IGSF10: variants seen among roughly 807,000 people sequenced by gnomAD.
IGSF10 encodes the protein calvaria mechanical force protein 608.
Under a neutral mutation model 128.2 loss-of-function variants are expected in IGSF10, and 126 were observed. The observed-to-expected ratio is 0.98, with a 90% confidence interval of 0.85 to 1.14. The LOEUF (loss-of-function observed/expected upper bound fraction) is 1.14. Ranked by LOEUF, IGSF10 falls within the 50% of genes most tolerant of loss-of-function variation. The pLI is 0.00. For synonymous variants in IGSF10, 1,185 were observed against 1,146.2 expected, an observed-to-expected ratio of 1.03 and a Z score of -0.68; for missense variants, 3,295 against 3,149.8, an observed-to-expected ratio of 1.05 and a Z score of -1.10.
chr3:151,571,731 G>T, the IGSF10 span, among the ~76,000 whole-genome samples: 1 of 152,226 alleles, frequency 6.6e-6, no homozygotes, highest in East Asian at 1.9e-4. Flanking sequence ...TTGCCTGATT[G>T]CCCTGGCCAG....
At chr3:151,505,791 G>A in the IGSF10 span, among the ~76,000 whole-genome samples, 1 of 152,062 alleles carries the variant, frequency 6.6e-6, no homozygotes, top group South Asian at 2.1e-4. Flanking sequence ...CTTTATAAAA[G>A]GCAAATAAAA....
chr3:151,554,463 G>A, the IGSF10 span, among the ~76,000 whole-genome samples: 4 of 147,492 alleles, frequency 2.7e-5, no homozygotes, highest in African/African-American at 5.4e-5. Context: ...TTTTGCCAAA[G>A]CGATTTTCTC....
the IGSF10 span, among the ~76,000 whole-genome samples, chr3:151,546,830 G>A: frequency 6.6e-6 from 1 of 151,936 alleles, no homozygotes; most frequent in African/African-American, 2.4e-5. Context: ...AAGCGCAATG[G>A]TGCAATCTCG....
the IGSF10 span, among the ~76,000 whole-genome samples, chr3:151,482,980 T>C: frequency 3.4e-4 from 51 of 152,044 alleles, no homozygotes; most frequent in Non-Finnish European, 6.6e-4. Flanking sequence ...TGAAGGAGAA[T>C]AGTCTTTTCA....
At chr3:151,534,711 G>A in the IGSF10 span, among the ~76,000 whole-genome samples, 1 of 151,882 alleles carries the variant, frequency 6.6e-6, no homozygotes, top group Non-Finnish European at 1.5e-5. Context: ...GTAGATGACG[G>A]GTCAATGGGT....
At chr3:151,551,033 G>C in the IGSF10 span, among the ~76,000 whole-genome samples, 1,153 of 152,206 alleles carry the variant, frequency 7.6e-3, 6 homozygotes, top group African/African-American at 0.026. Context: ...GGTTCAGTGT[G>C]GCCCCTGAAA....
chr3:151,444,885 C>T (rs1197849674), intron 6 of IGSF10, 34 bp downstream of exon 6: 2 of 1,523,232 alleles, frequency 1.3e-6, no homozygotes, highest in Non-Finnish European at 8.8e-7. Flanking sequence ...TGTTTTCTAA[C>T]AAAAACTAAG....
downstream of IGSF10, chr3:151,435,267 T>A (rs1188387895): frequency 2.6e-5 from 4 of 152,058 alleles, no homozygotes; most frequent in African/African-American, 9.7e-5. Context: ...TCAATCACAG[T>A]TCTTGGATAT....
chr3:151,519,958 A>G, the IGSF10 span, among the ~76,000 whole-genome samples: 2 of 151,870 alleles, frequency 1.3e-5, no homozygotes, highest in Non-Finnish European at 2.9e-5. Context: ...TTGAAATAAT[A>G]CCTGAAGGTT....
chr3:151,584,169 G>A, the IGSF10 span, among the ~76,000 whole-genome samples: 32 of 152,092 alleles, frequency 2.1e-4, no homozygotes, highest in South Asian at 6.4e-3. Context: ...ATATCTTCCT[G>A]GTGGATTGAT....
At position 151,445,173 on chromosome 3, in the gene IGSF10, G is replaced by T; in HGVS notation, c.4808C>A (p.Ala1603Asp). 6.2e-7 allele frequency: 1 copy of T among 1,614,226 alleles called. No individual in the cohort carries two copies. ...SMLATTGLSEATTLVSDWDGQ... is the reference protein window; with the variant it reads ...SMLATTGLSEDTTLVSDWDGQ... ...ATCCCAATCTGAAACAAGAGTGGTG[G>T]CCTCGGACAGGCCTGTAGTAGCCAA... is the stretch of plus-strand genomic sequence containing the variant. The change falls in exon 6 of 8, where the codon GCC becomes GAC. Residue 1603 changes from alanine to aspartate, a missense_variant. Coordinates refer to ENST00000282466, the MANE Select transcript of IGSF10 (RefSeq NM_178822.5).
At chr3:151,524,455 G>T in the IGSF10 span, among the ~76,000 whole-genome samples, 2 of 152,148 alleles carry the variant, frequency 1.3e-5, no homozygotes, top group Non-Finnish European at 1.5e-5. Flanking sequence ...CCATAAAAAA[G>T]AATAAGATCA....
chr3:151,488,006 G>A, the IGSF10 span, among the ~76,000 whole-genome samples: 2 of 151,888 alleles, frequency 1.3e-5, no homozygotes, highest in African/African-American at 4.8e-5. Context: ...AAAGAAAAAA[G>A]CATTTTCAGT....
chr3:151,541,531 C>G, the IGSF10 span, among the ~76,000 whole-genome samples: 1 of 152,142 alleles, frequency 6.6e-6, no homozygotes, highest in Admixed American at 6.6e-5. Context: ...GAGGTTTGCT[C>G]ATGGTTGTAT....
intron 2 of IGSF10, among the ~76,000 whole-genome samples, chr3:151,459,481 T>C (rs1264841887): frequency 2.0e-5 from 3 of 152,198 alleles, no homozygotes; most frequent in African/African-American, 7.2e-5. Flanking sequence ...TGCCAAGTAA[T>C]GACCATAAGC....
the IGSF10 span, among the ~76,000 whole-genome samples, chr3:151,616,177 T>A: frequency 6.6e-6 from 1 of 152,080 alleles, no homozygotes. Context: ...TTGGTCAGGC[T>A]GGTCTCGAAC....
At chr3:151,568,896 A>G in the IGSF10 span, among the ~76,000 whole-genome samples, 3 of 152,194 alleles carry the variant, frequency 2.0e-5, no homozygotes, top group Non-Finnish European at 4.4e-5. Flanking sequence ...GAAACTTAAT[A>G]TAGGGAATCA....
chr3:151,458,227 A>G (rs948953231), intron 3 of IGSF10, among the ~76,000 whole-genome samples: 6 of 152,090 alleles, frequency 3.9e-5, no homozygotes, highest in African/African-American at 1.2e-4. Context: ...AACAGAAACT[A>G]TATCATTTTC....
chr3:151,491,936 TTA>T, the IGSF10 span, among the ~76,000 whole-genome samples: 6 of 152,096 alleles, frequency 3.9e-5, no homozygotes, highest in Admixed American at 3.9e-4. Context: ...TTCGAAAAGA[TTA>T]TATGTCATGA....
Sources: gnomAD v4.1 joint callset for allele counts (sites outside exome capture counted in the v4.1 genomes callset) on GRCh38, gnomAD v4.1.1 for gene constraint, MANE v1.5 for transcripts, NCBI Gene and HGNC (gene_info 2026-07-23, HGNC 2026-07-21) for gene names.